The following TLR6 variants were observed in gnomAD, a reference collection of about 807,000 sequenced individuals.
The protein encoded by TLR6 is toll like receptor 6.
A neutral mutation model predicts 16.1 loss-of-function variants in TLR6; 9 were observed. That is an observed-to-expected ratio of 0.56 (90% CI 0.34 to 0.98). The LOEUF (loss-of-function observed/expected upper bound fraction) is 0.98, where lower values mean the gene tolerates loss of function less well. Ranked by LOEUF, TLR6 falls within the 50% of genes least tolerant of loss-of-function variation. TLR6 has a pLI of 0.02. For missense variants in TLR6, 786 were observed against 921.0 expected, an observed-to-expected ratio of 0.85 and a Z score of 1.90; for synonymous variants, 340 against 338.6, an observed-to-expected ratio of 1.00 and a Z score of -0.04.
the TLR6 span, among the ~76,000 whole-genome samples, chr4:38,863,305 C>T: frequency 6.6e-6 from 1 of 152,198 alleles, no homozygotes; most frequent in African/African-American, 2.4e-5. Context: ...CATTCCTTCC[C>T]AGTCTCCTTC....
At chr4:38,867,730 C>CCCCCCCG in the TLR6 span, 1 of 150,054 alleles carries the variant, frequency 6.7e-6, no homozygotes, top group African/African-American at 2.5e-5. Flanking sequence ...CGGGGCGGGG[C>CCCCCCCG]CCCCTCTCCA....
chr4:38,825,686 C>A (rs1178297686), exon 2 of TLR6: 1 of 152,496 alleles, frequency 6.6e-6, no homozygotes, highest in African/African-American at 2.4e-5. Context: ...TTCTGCCTAA[C>A]CCCGTGTCCT....
At chr4:38,827,110 G>A in exon 2 of TLR6, 1 of 1,594,236 alleles carries the variant, frequency 6.3e-7, no homozygotes, top group Non-Finnish European at 8.5e-7. Context: ...TGTTTTCAGT[G>A]ACTAGTGTTA....
At chr4:38,867,408 C>T in the TLR6 span, among the ~76,000 whole-genome samples, 2 of 152,222 alleles carry the variant, frequency 1.3e-5, no homozygotes, top group East Asian at 1.9e-4. Flanking sequence ...ATCTATCACA[C>T]TCCCACCGAC....
At chr4:38,847,551 A>G (rs1579257316) in intron 1 of TLR6, among the ~76,000 whole-genome samples, 1 of 152,152 alleles carries the variant, frequency 6.6e-6, no homozygotes, top group East Asian at 1.9e-4. Context: ...AAGGGGTGAC[A>G]GATGGCACCT....
exon 2 of TLR6, chr4:38,828,019 T>A (rs752387820): frequency 6.2e-7 from 1 of 1,614,078 alleles, no homozygotes. Context: ...GAAGGTCAGT[T>A]AAAGAATTGA....
At chr4:38,829,199 T>C (rs747498194) in exon 2 of TLR6, 1 of 1,614,170 alleles carries the variant, frequency 6.2e-7, no homozygotes, top group South Asian at 1.1e-5. Context: ...AACACTTAAA[T>C]CAAGTAGCTG....
At chr4:38,831,191 A>G (rs529263439) in intron 1 of TLR6, among the ~76,000 whole-genome samples, 3 of 152,160 alleles carry the variant, frequency 2.0e-5, no homozygotes, top group Non-Finnish European at 2.9e-5. Context: ...TAGACCCACA[A>G]AAAAATAATC....
At chr4:38,856,163 TC>T (rs1374096585) in intron 1 of TLR6, among the ~76,000 whole-genome samples, 1 of 152,200 alleles carries the variant, frequency 6.6e-6, no homozygotes, top group Non-Finnish European at 1.5e-5. Flanking sequence ...AGGGGCTTGG[TC>T]CCGGCCACTT....
At chr4:38,864,329 A>C in the TLR6 span, among the ~76,000 whole-genome samples, 1 of 152,230 alleles carries the variant, frequency 6.6e-6, no homozygotes, top group Non-Finnish European at 1.5e-5. Flanking sequence ...TACACAGTGC[A>C]TGCTTTCAGA....
the TLR6 span, among the ~76,000 whole-genome samples, chr4:38,863,460 G>A: frequency 6.6e-6 from 1 of 152,128 alleles, no homozygotes. Context: ...TCAATAGCCT[G>A]CTAAATGCTT....
chr4:38,848,149 C>T (rs547637282), intron 1 of TLR6, among the ~76,000 whole-genome samples: 151 of 152,304 alleles, frequency 9.9e-4, no homozygotes, highest in African/African-American at 3.4e-3. Flanking sequence ...CTGCAGCCTC[C>T]GCTGCTGATA....
At chr4:38,865,256 T>C in the TLR6 span, among the ~76,000 whole-genome samples, 4 of 152,258 alleles carry the variant, frequency 2.6e-5, no homozygotes, top group Non-Finnish European at 4.4e-5. Flanking sequence ...CTTTTCTATA[T>C]ATTTTAAATA....
At chr4:38,823,990 TC>T (rs1185903101) in exon 2 of TLR6, 1 of 152,272 alleles carries the variant, frequency 6.6e-6, no homozygotes, top group Non-Finnish European at 1.5e-5. Flanking sequence ...CGCGAAGGTG[TC>T]CACGGCCAAG....
chr4:38,848,326 A>G (rs1005181763), intron 1 of TLR6, among the ~76,000 whole-genome samples: 1 of 152,234 alleles, frequency 6.6e-6, no homozygotes, highest in Non-Finnish European at 1.5e-5. Context: ...AACCACAAAG[A>G]TGGGGAAAAA....
chr4:38,830,063 A>G (rs922732945), intron 1 of TLR6, among the ~76,000 whole-genome samples: 10 of 152,220 alleles, frequency 6.6e-5, no homozygotes, highest in Non-Finnish European at 2.9e-5. Context: ...GGCTGGACGC[A>G]TGTTCAGAGG....
At chr4:38,832,085 T>C (rs941868611) in intron 1 of TLR6, among the ~76,000 whole-genome samples, 5 of 152,168 alleles carry the variant, frequency 3.3e-5, no homozygotes, top group African/African-American at 7.2e-5. Flanking sequence ...CTGTCAAACA[T>C]TGGAAGCAAC....
the TLR6 span, among the ~76,000 whole-genome samples, chr4:38,863,076 G>A: frequency 6.6e-6 from 1 of 151,800 alleles, no homozygotes; most frequent in Non-Finnish European, 1.5e-5. Flanking sequence ...CTTCAGTCAG[G>A]TTTCCTTCCC....
exon 2 of TLR6, chr4:38,828,679 G>A: frequency 6.2e-7 from 1 of 1,614,118 alleles, no homozygotes. Context: ...CTCTGACCAG[G>A]CATTTCCAAG....
Sources: gnomAD v4.1 joint callset for allele counts (sites outside exome capture counted in the v4.1 genomes callset) on GRCh38, gnomAD v4.1.1 for gene constraint, MANE v1.5 for transcripts, NCBI Gene and HGNC (gene_info 2026-07-23, HGNC 2026-07-21) for gene names.